CHAT: variants seen among roughly 807,000 people sequenced by gnomAD.
CHAT encodes the protein acetyl CoA:choline O-acetyltransferase.
A neutral mutation model predicts 76.9 loss-of-function variants in CHAT; 61 were observed. That is an observed-to-expected ratio of 0.79 (90% CI 0.65 to 0.98). CHAT has a LOEUF of 0.98. Among genes scored for constraint, CHAT ranks in the 50% least tolerant of loss-of-function variants. The pLI, the probability that CHAT is intolerant of heterozygous loss-of-function variation, is 0.00. For missense variants in CHAT, 946 were observed against 986.9 expected, an observed-to-expected ratio of 0.96 and a Z score of 0.56; for synonymous variants, 407 against 397.4, an observed-to-expected ratio of 1.02 and a Z score of -0.29.
intron 6 of CHAT, among the ~76,000 whole-genome samples, chr10:49,625,937 G>A (rs1447503391): frequency 1.3e-5 from 2 of 152,198 alleles, no homozygotes; most frequent in African/African-American, 2.4e-5. Context: ...CTGTACATCT[G>A]TTCTTTTCCA....
intron 6 of CHAT, among the ~76,000 whole-genome samples, chr10:49,627,193 C>T (rs1240002761): frequency 1.3e-5 from 2 of 152,224 alleles, no homozygotes; most frequent in South Asian, 2.1e-4. Context: ...GCACATTCCT[C>T]GTGTCTTCCG....
rs1466605503 is a variant in CHAT at position 49,656,310 on chromosome 10, T to G, written c.1839+862T>G. 3.6e-5 allele frequency among the ~76,000 whole-genome samples: 3 copies of G among 83,248 alleles called. No individual in the cohort carries two copies. The East Asian group carries it at 1.1e-3, about 31-fold the overall frequency. 54.6% of individuals were successfully genotyped at this position (83,248 alleles called of 152,430 possible). ...TTTTTTTTTTTTTTTTTTTTTTTTT[T>G]GGTCTTCATGCTTTATGCCAGGCAA... On this transcript the variant is annotated intron_variant, in intron 13 of 14. Transcript: ENST00000337653.
chr10:49,633,686 C>T (rs1251710738), intron 7 of CHAT, among the ~76,000 whole-genome samples: 2 of 152,160 alleles, frequency 1.3e-5, no homozygotes, highest in Admixed American at 6.5e-5. Flanking sequence ...CATTCAGCCC[C>T]GAGTCTGGGA....
intron 9 of CHAT, 99 bp from the exon 10 acceptor site, chr10:49,649,409 C>A (rs950318417): frequency 1.3e-6 from 2 of 1,573,180 alleles, no homozygotes; most frequent in African/African-American, 1.4e-5. Flanking sequence ...TCCATGGCCG[C>A]AAACACTGAC....
intron 7 of CHAT, among the ~76,000 whole-genome samples, chr10:49,639,249 CA>C (rs1839396124): frequency 6.6e-6 from 1 of 152,052 alleles, no homozygotes; most frequent in Non-Finnish European, 1.5e-5. Context: ...ACACCAAAAC[CA>C]AAAACAAACA....
Position 49,646,568 on chromosome 10 carries a change from C to G in CHAT, c.1175C>G (p.Ala392Gly). 2 of 1,614,222 alleles carry G rather than the reference C, an allele frequency of 1.2e-6. No homozygotes were observed. The highest frequency in any genetic ancestry group is 4.5e-5 in the East Asian group (2 of 44,888). The part of the protein sequence containing the change: ...ERCICLVCLD[A>G]PGGVELSDTH... ...TGCATCTGCCTTGTATGCCTGGACG[C>G]GCCAGGAGGCGTGGAGCTCAGCGAC... The change falls in exon 8 of 15, where the codon GCG (alanine) becomes GGG (glycine). Residue 392 changes from alanine (A) to glycine (G), a missense_variant. Transcript: ENST00000337653.
rs762696032 is a variant in CHAT at position 49,625,461 on chromosome 10, C to T, written c.753-12C>T. ...CCTCGTGGCTGCCTCCCTTCCCACT[C>T]CTCTCCTTCAGCCACTCCATTCCCA... is the stretch of plus-strand genomic sequence containing the variant. On this transcript the variant is annotated splice_polypyrimidine_tract_variant and intron_variant, in intron 5 of 14. Transcript: ENST00000337653. 2.5e-6 allele frequency: 4 copies of T among 1,611,890 alleles called. No homozygotes were observed. In the Admixed American group the frequency reaches 6.7e-5, roughly 27 times the overall value.
chr10:49,649,528 T>A lies in CHAT; in HGVS notation c.1403T>A (p.Leu468Gln), dbSNP rs1839796535. 6.2e-7 allele frequency: 1 copy of A among 1,613,746 alleles called. No individual in the cohort carries two copies. The highest frequency in any genetic ancestry group is 1.3e-5 in the African/African-American group (1 of 74,946). Reference protein sequence around the residue: ...LKHVTQSSRKLIRADSVSELP... With the variant: ...LKHVTQSSRKQIRADSVSELP... ...CGCAGGACGCAGAGCAGCAGGAAGC[T>A]GATCCGAGCAGACTCCGTCAGCGAG... Residue 468 changes from leucine to glutamine, a missense_variant, in exon 10 of 15, where the codon CTG becomes CAG. Leu to Gln is a moderately radical substitution (Grantham distance 113, BLOSUM62 -2). This residue lies in a region of CHAT where 349 missense variants were observed against 393.9 expected (regional missense o/e 0.89). Transcript: ENST00000337653.
At chr10:49,656,536 G>T (rs1219174526) in intron 13 of CHAT, among the ~76,000 whole-genome samples, 2 of 152,144 alleles carry the variant, frequency 1.3e-5, no homozygotes, top group African/African-American at 2.4e-5. Context: ...GGAAAGTGGT[G>T]CTTCCTGTGA....
chr10:49,649,375 G>A, intron 9 of CHAT, 133 bp from the exon 10 acceptor site: 3 of 1,288,152 alleles, frequency 2.3e-6, no homozygotes, highest in Non-Finnish European at 3.3e-6. Context: ...CGGTGGTTCA[G>A]GGGCAGCTCG....
intron 7 of CHAT, among the ~76,000 whole-genome samples, chr10:49,630,239 G>C (rs1839070309): frequency 6.6e-6 from 1 of 152,206 alleles, no homozygotes; most frequent in Non-Finnish European, 1.5e-5. Context: ...TCTAGAAACA[G>C]AAGAACAGGG....
chr10:49,631,429 G>A (rs1839115962), intron 7 of CHAT, among the ~76,000 whole-genome samples: 1 of 152,168 alleles, frequency 6.6e-6, no homozygotes, highest in African/African-American at 2.4e-5. Flanking sequence ...ATGGCCTAGT[G>A]TAACTTAATT....
chr10:49,654,105 G>A (rs529719488), intron 11 of CHAT, among the ~76,000 whole-genome samples: 1 of 152,232 alleles, frequency 6.6e-6, no homozygotes, highest in Non-Finnish European at 1.5e-5. Flanking sequence ...GCCTGAATTC[G>A]GGTTGGTCAA....
intron 2 of CHAT, among the ~76,000 whole-genome samples, chr10:49,619,493 G>A (rs985003876): frequency 7.9e-5 from 12 of 152,312 alleles, no homozygotes; most frequent in South Asian, 2.1e-4. Flanking sequence ...CAATATCACC[G>A]TATTTTCCTC....
At chr10:49,609,676 C>T (rs1245191429), upstream of CHAT, among the ~76,000 whole-genome samples, 2 of 152,032 alleles carry the variant, frequency 1.3e-5, no homozygotes, top group Admixed American at 6.5e-5. Flanking sequence ...GCGGAGGGGC[C>T]GGTGGGTCAG....
At chr10:49,610,553 G>A (rs1243062744), upstream of CHAT, 2 of 541,750 alleles carry the variant, frequency 3.7e-6, no homozygotes, top group South Asian at 7.3e-5. Flanking sequence ...TAGCTGCAAC[G>A]CCTCGCCGGA....
At chr10:49,640,889 C>T (rs887762234) in intron 7 of CHAT, among the ~76,000 whole-genome samples, 1 of 152,120 alleles carries the variant, frequency 6.6e-6, no homozygotes, top group Non-Finnish European at 1.5e-5. Context: ...TGTGTTTTTA[C>T]GTTGCTGGGT....
upstream of CHAT, chr10:49,610,689 C>G: frequency 1.3e-5 from 19 of 1,445,958 alleles, no homozygotes; most frequent in Non-Finnish European, 1.7e-5. Flanking sequence ...CTGCGGGACG[C>G]CAGCGCTCGG....
chr10:49,619,865 C>T lies in CHAT; in HGVS notation c.528C>T (p.Gly176=), dbSNP rs778476300. 1.4e-5 allele frequency: 22 copies of T among 1,613,106 alleles called. No homozygotes were observed. The highest frequency in any genetic ancestry group is 1.8e-5 in the Non-Finnish European group (21 of 1,179,798). ...VQQFGAPGGL[G]ETLQQKLLER... is the part of the protein sequence containing the mutation. ...AGTTTGGGGCCCCTGGTGGCCTCGG[C>T]GAGACCCTGCAGCAGAAACTCCTGG... is the stretch of plus-strand genomic sequence containing the variant. The change falls in exon 3 of 15, where the codon GGC becomes GGT. Residue 176 remains glycine (G), a synonymous_variant. Transcript: ENST00000337653.
Sources: gnomAD v4.1 joint callset for allele counts (sites outside exome capture counted in the v4.1 genomes callset) on GRCh38, gnomAD v4.1.1 for gene constraint, gnomAD v4.1.1 regional missense constraint, MANE v1.5 for transcripts, NCBI Gene and HGNC (gene_info 2026-07-23, HGNC 2026-07-21) for gene names.